NCBP1: variants seen among roughly 807,000 people sequenced by gnomAD.
NCBP1 encodes nuclear cap-binding protein subunit 1.
Under a neutral mutation model 111.7 loss-of-function variants are expected in NCBP1, and 16 were observed. That is an observed-to-expected ratio of 0.14 (90% CI 0.10 to 0.22). The LOEUF (loss-of-function observed/expected upper bound fraction) is 0.22. Among genes scored for constraint, NCBP1 ranks in the 10% least tolerant of loss-of-function variants. The pLI is 1.00. For missense variants in NCBP1, 607 were observed against 957.5 expected (o/e 0.63, Z 4.83); for synonymous variants, 304 against 314.3 (o/e 0.97, Z 0.35).
chr9:97,636,396 T>C (rs1325547581), intron 1 of NCBP1, among the ~76,000 whole-genome samples: 1 of 150,506 alleles, frequency 6.6e-6, no homozygotes, highest in Non-Finnish European at 1.5e-5. Flanking sequence ...TGTCAGTCAC[T>C]GCCCTGACTT....
rs1322221272 is a variant in NCBP1 at position 97,668,958 on chromosome 9, T to A, written c.2129T>A (p.Phe710Tyr). The A allele has an allele frequency of 6.2e-7, 1 of 1,611,328 alleles. No individual in the cohort carries two copies. Among genetic ancestry groups the A allele is most frequent in the Admixed American group, 1.7e-5 (1 of 59,594 alleles). ...GCTCAGAGTGAACAAAAGAATCTTT[T>A]CCTCGTTATATTTCAGGTATCTTGG... ...ESAQSEQKNL[F>Y]LVIFQRFIMI... The change falls in exon 21 of 23, where the codon TTC (phenylalanine) becomes TAC (tyrosine). Residue 710 changes from phenylalanine to tyrosine, a missense_variant. Physicochemically the swap from Phe to Tyr is conservative, Grantham distance 22 (BLOSUM62 3). Around this residue, in one of 9 missense-constraint regions of NCBP1, gnomAD observed 282 missense variants for 376.5 expected, o/e 0.75. Coordinates refer to ENST00000375147, the MANE Select transcript of NCBP1 (RefSeq NM_002486.5).
rs543909774 is a variant in NCBP1 at position 97,644,015 on chromosome 9, G to A, written c.381+655G>A. On this transcript the variant is annotated intron_variant, in intron 4 of 22. Coordinates refer to ENST00000375147, the MANE Select transcript of NCBP1 (RefSeq NM_002486.5). ...TACAGTGAGTGGTCTTAAAAGCCTGGTGCACAAGATGATTCCTTGGGTTTC... is the reference window on the plus strand; with the variant it reads ...TACAGTGAGTGGTCTTAAAAGCCTGATGCACAAGATGATTCCTTGGGTTTC... 2.0e-5 allele frequency among the ~76,000 whole-genome samples: 3 copies of A among 152,218 alleles called. No homozygotes were observed. The East Asian group carries it at 5.8e-4, about 29-fold the overall frequency.
intron 14 of NCBP1, among the ~76,000 whole-genome samples, chr9:97,657,483 CCCACCA>C: frequency 6.6e-6 from 1 of 152,274 alleles, no homozygotes; most frequent in East Asian, 1.9e-4. Flanking sequence ...GCACATGATT[CCCACCA>C]CTGGTGATGT....
At chr9:97,655,809 C>G in intron 13 of NCBP1, 45 bp downstream of exon 13, 2 of 1,528,986 alleles carry the variant, frequency 1.3e-6, no homozygotes, top group Middle Eastern at 1.7e-4. Context: ...CAAAAAACTA[C>G]TAATGTTTAA....
chr9:97,643,531 A>C (rs749226395), intron 4 of NCBP1, among the ~76,000 whole-genome samples, 171 bp downstream of exon 4: 1 of 152,064 alleles, frequency 6.6e-6, no homozygotes, highest in Non-Finnish European at 1.5e-5. Context: ...TGTATCTCCA[A>C]CCTTTCTCCT....
At chr9:97,637,641 TCTG>T (rs991233244) in intron 1 of NCBP1, among the ~76,000 whole-genome samples, 20 of 152,198 alleles carry the variant, frequency 1.3e-4, no homozygotes, top group Admixed American at 5.9e-4. Context: ...CTGTTTTAAG[TCTG>T]CGGGCTCAAG....
At chr9:97,651,418 C>T in intron 10 of NCBP1, 45 bp downstream of exon 10, 1 of 1,543,126 alleles carries the variant, frequency 6.5e-7, no homozygotes, top group Non-Finnish European at 8.9e-7. Context: ...CAGAATCTTT[C>T]TGTTGGCTTT....
intron 1 of NCBP1, among the ~76,000 whole-genome samples, chr9:97,639,943 CAT>C (rs35135514): frequency 0.18 from 27,995 of 152,004 alleles, 2,697 homozygotes; most frequent in African/African-American, 0.22. Flanking sequence ...ATTTAAAAAA[CAT>C]AGAGATTATT....
chr9:97,633,993 G>A (rs1049141402), intron 1 of NCBP1, 78 bp downstream of exon 1: 5 of 1,436,636 alleles, frequency 3.5e-6, no homozygotes, highest in Non-Finnish European at 4.6e-6. Flanking sequence ...GTCCACGGAA[G>A]AGACTGGAAG....
In NCBP1 at chr9:97,658,661, A is replaced by G; in HGVS notation, c.1395A>G (p.Ile465Met). Residue 465 changes from isoleucine (I) to methionine (M), a missense_variant, in exon 15 of 23, where the codon ATA becomes ATG. Transcript: ENST00000375147. ...GTAGGTTGTCTTACCATCAGCGTAT[A>G]TTAGATATTGTTCCTCCTACCTTCT... ...KCMRLSYHQRILDIVPPTFSA... is the reference protein window; with the variant it reads ...KCMRLSYHQRMLDIVPPTFSA... 6.2e-7 allele frequency: 1 copy of G among 1,611,996 alleles called. No homozygotes were observed. The highest frequency in any genetic ancestry group is 8.5e-7 in the Non-Finnish European group (1 of 1,178,232).
chr9:97,661,790 G>T (rs1248356910), intron 16 of NCBP1, among the ~76,000 whole-genome samples: 1 of 128,660 alleles, frequency 7.8e-6, no homozygotes. Flanking sequence ...GGAAACCTGT[G>T]TGATTTTTTT....
chr9:97,654,731 GAAA>G, intron 11 of NCBP1, 146 bp from the exon 12 acceptor site: 1 of 739,146 alleles, frequency 1.4e-6, no homozygotes. Context: ...AAAGCTGTAA[GAAA>G]AAACAAAAAC....
intron 3 of NCBP1, 121 bp downstream of exon 3, chr9:97,641,783 A>G: frequency 9.3e-7 from 1 of 1,074,728 alleles, no homozygotes; most frequent in Non-Finnish European, 1.2e-6. Flanking sequence ...TTCTATGGGG[A>G]AATTTGTACA....
intron 1 of NCBP1, among the ~76,000 whole-genome samples, chr9:97,638,701 C>T (rs1469634103): frequency 6.6e-6 from 1 of 152,174 alleles, no homozygotes; most frequent in Non-Finnish European, 1.5e-5. Context: ...TTAACATCAG[C>T]ACTATTGACA....
chr9:97,636,971 G>A (rs1827059661), intron 1 of NCBP1, among the ~76,000 whole-genome samples: 1 of 152,054 alleles, frequency 6.6e-6, no homozygotes, highest in Non-Finnish European at 1.5e-5. Context: ...TAGCTGTATG[G>A]GGAAAAGCTG....
chr9:97,643,308 G>A lies in NCBP1; in HGVS notation c.329G>A (p.Arg110His), dbSNP rs763319595. ...GGAGAATTTGTAGAAGCCATGATTC[G>A]TCAACTTAAAGAATCATTGAAAGCA... ...FGGEFVEAMIRQLKESLKANN... is the reference protein window; with the variant it reads ...FGGEFVEAMIHQLKESLKANN... The change falls in exon 4 of 23, where the codon CGT becomes CAT. Residue 110 changes from arginine (R) to histidine (H), a missense_variant. Arg to His is a conservative substitution (Grantham distance 29, BLOSUM62 0). Transcript: ENST00000375147. The A allele has an allele frequency of 3.7e-6, 6 of 1,607,138 alleles. No homozygotes were observed. The highest frequency in any genetic ancestry group is 2.2e-5 in the East Asian group (1 of 44,778).
At chr9:97,634,093 C>G (rs1394227456) in intron 1 of NCBP1, among the ~76,000 whole-genome samples, 178 bp downstream of exon 1, 1 of 152,224 alleles carries the variant, frequency 6.6e-6, no homozygotes, top group Non-Finnish European at 1.5e-5. Flanking sequence ...AAAGCGACTT[C>G]TCCCCCGCCC....
chr9:97,648,993 C>T (rs1277048039), intron 8 of NCBP1, among the ~76,000 whole-genome samples: 1 of 152,170 alleles, frequency 6.6e-6, no homozygotes, highest in East Asian at 1.9e-4. Flanking sequence ...TGAGCCACTG[C>T]ACCTGTCCAT....
chr9:97,635,311 A>T (rs147600678), intron 1 of NCBP1, among the ~76,000 whole-genome samples: 12 of 152,282 alleles, frequency 7.9e-5, no homozygotes, highest in Non-Finnish European at 1.6e-4. Flanking sequence ...GGCTCTCTTC[A>T]CTACACAGGT....
Sources: gnomAD v4.1 joint callset for allele counts (sites outside exome capture counted in the v4.1 genomes callset) on GRCh38, gnomAD v4.1.1 for gene constraint, gnomAD v4.1.1 regional missense constraint, MANE v1.5 for transcripts, NCBI Gene and HGNC (gene_info 2026-07-23, HGNC 2026-07-21) for gene names.